RAPGEF1: variants seen among roughly 807,000 people sequenced by gnomAD.
RAPGEF1 encodes CRK SH3-binding GNRP.
In RAPGEF1, 33 loss-of-function variants were observed where a neutral mutation model predicts 143.3. The ratio of observed to expected loss-of-function variants is 0.23; its 90% CI spans 0.17 to 0.31. RAPGEF1 has a LOEUF of 0.31. Ranked by LOEUF, RAPGEF1 falls within the 10% of genes least tolerant of loss-of-function variation. The pLI is 1.00. For synonymous variants in RAPGEF1, 629 were observed against 676.5 expected (o/e 0.93, Z 1.09); for missense variants, 1,199 against 1,645.4 (o/e 0.73, Z 4.69).
At chr9:131,698,185 A>G (rs1202416162) in intron 1 of RAPGEF1, among the ~76,000 whole-genome samples, 1 of 152,212 alleles carries the variant, frequency 6.6e-6, no homozygotes, top group East Asian at 1.9e-4. Flanking sequence ...CACCTCCCTC[A>G]GTCCACCCTG....
At chr9:131,685,521 A>G (rs750373444) in intron 1 of RAPGEF1, among the ~76,000 whole-genome samples, 2 of 152,374 alleles carry the variant, frequency 1.3e-5, no homozygotes, top group African/African-American at 2.4e-5. Flanking sequence ...GATCTGTGCC[A>G]TAAGGACATG....
At position 131,621,017 on chromosome 9, in the gene RAPGEF1, G is replaced by A. The variant is rs567220217; in HGVS notation, c.1905+779C>T. Among the ~76,000 whole-genome samples the A allele has an allele frequency of 3.3e-5, 5 of 152,340 alleles. No homozygotes were observed. The highest frequency in any genetic ancestry group is 7.4e-5 in the Non-Finnish European group (5 of 68,022). The stretch of plus-strand genomic sequence containing the variant: ...TTCCTCTTCCTGGGGAGCATGGCTG[G>A]ACAAGAGGCTCAGATCTTCAAACCT... On this transcript the variant is annotated intron_variant, in intron 11 of 26. Coordinates refer to ENST00000683357, the MANE Select transcript of RAPGEF1 (RefSeq NM_001377935.1). The surrounding 1 kb of genome is among the most constrained non-coding windows in gnomAD (Gnocchi z 4.5).
At chr9:131,643,528 G>C in intron 3 of RAPGEF1, 111 bp from the exon 4 acceptor site, 1 of 1,089,996 alleles carries the variant, frequency 9.2e-7, no homozygotes, top group Non-Finnish European at 1.3e-6. Flanking sequence ...GGAATGGAAA[G>C]GCTCTTGCTA....
chr9:131,598,827 CTTT>C (rs10647202), intron 15 of RAPGEF1, among the ~76,000 whole-genome samples: 4 of 138,936 alleles, frequency 2.9e-5, no homozygotes, highest in Non-Finnish European at 3.1e-5. Context: ...TATTTATTTG[CTTT>C]TTTTTTTTTT....
At chr9:131,721,953 TC>T (rs1254426923) in intron 1 of RAPGEF1, among the ~76,000 whole-genome samples, 2 of 152,218 alleles carry the variant, frequency 1.3e-5, no homozygotes, top group African/African-American at 2.4e-5. Context: ...GTCCCAAAAA[TC>T]AATCTCCCTT....
chr9:131,584,076 G>A lies in RAPGEF1; in HGVS notation c.3414+235C>T, dbSNP rs113912028. ...GCCTGCTGGGTGGCAGCAGAACACC[G>A]GGATGTGACCACCCCAGAACCAACC... On this transcript the variant is annotated intron_variant, in intron 24 of 26. Coordinates refer to ENST00000683357, the MANE Select transcript of RAPGEF1 (RefSeq NM_001377935.1). This position sits in a 1 kb window ranked among gnomAD's most constrained non-coding sequence, Gnocchi z 6.8. Among the ~76,000 whole-genome samples, 1,844 of 152,252 alleles carry A rather than the reference G, an allele frequency of 0.012. 84 individuals carry two copies. Among genetic ancestry groups the A allele is most frequent in the Admixed American group, 0.077 (1,183 of 15,300 alleles).
chr9:131,584,259 G>T lies in RAPGEF1; in HGVS notation c.3414+52C>A, dbSNP rs969355194. The T allele has an allele frequency of 2.7e-6, 4 of 1,492,648 alleles. No individual in the cohort carries two copies. Among genetic ancestry groups the T allele is most frequent in the Non-Finnish European group, 3.7e-6 (4 of 1,090,030 alleles). The allele number at this position is 1,492,648 out of a possible 1,614,324, so 92.5% of individuals were successfully genotyped here. ...TGCCACAGCTAGTCGCCTGAGGGCT[G>T]GGCGGCCCCCCTTACCAGCCACCCT... On this transcript the variant is annotated intron_variant, in intron 24 of 26. Transcript: ENST00000683357. The surrounding 1 kb of genome is among the most constrained non-coding windows in gnomAD (Gnocchi z 6.8).
rs1249256151 is a variant in RAPGEF1, at chr9:131,643,294, T to G, written c.439A>C (p.Lys147Gln). 1 of 1,613,382 alleles carries G rather than the reference T, an allele frequency of 6.2e-7. No homozygotes were observed. The highest frequency in any genetic ancestry group is 1.3e-5 in the African/African-American group (1 of 75,018). Residue 147 changes from lysine (K) to glutamine (Q), a missense_variant, in exon 4 of 27, where the codon AAG becomes CAG. By Grantham distance (53) the Lys-to-Gln change is moderately conservative. Transcript: ENST00000683357. Reference protein sequence around the residue: ...VLEMLPGSASKVLEAILPLVQ... With the variant: ...VLEMLPGSASQVLEAILPLVQ... ...AGGGGTAAGATGGCCTCCAGCACCT[T>G]GCTGGCTGACCCTGGAAGCATCTCC...
At chr9:131,632,113 G>A (rs189519631) in intron 5 of RAPGEF1, among the ~76,000 whole-genome samples, 1 of 151,862 alleles carries the variant, frequency 6.6e-6, no homozygotes, top group East Asian at 1.9e-4. Context: ...GGTGAGAGAG[G>A]TGAGAGATTG....
At chr9:131,600,903 C>T (rs1249677734) in intron 15 of RAPGEF1, among the ~76,000 whole-genome samples, 2 of 152,080 alleles carry the variant, frequency 1.3e-5, no homozygotes, top group African/African-American at 4.8e-5. Flanking sequence ...CGCCTGTAAT[C>T]CCAGCACTTT....
chr9:131,582,629 A>G lies in RAPGEF1; in HGVS notation c.3488T>C (p.Val1163Ala). Reference sequence around the variant, plus strand: ...CAGGTACGGGATGCACGGCGGTTCCACCTCCGAGAGGGCGGCCCGGTAGGC... The same window carrying G: ...CAGGTACGGGATGCACGGCGGTTCCGCCTCCGAGAGGGCGGCCCGGTAGGC... ...FRAYRAALSE[V>A]EPPCIPYLGL... The change falls in exon 25 of 27, where the codon GTG becomes GCG. Residue 1163 changes from valine to alanine, a missense_variant. Physicochemically the swap from Val to Ala is moderately conservative, Grantham distance 64. This residue lies in a region of RAPGEF1 where 209 missense variants were observed against 403.0 expected (regional missense o/e 0.52). Coordinates refer to ENST00000683357, the MANE Select transcript of RAPGEF1 (RefSeq NM_001377935.1). The G allele has an allele frequency of 6.5e-7, 1 of 1,532,544 alleles. No homozygotes were observed. Among genetic ancestry groups the G allele is most frequent in the East Asian group, 2.6e-5 (1 of 38,092 alleles). The allele number at this position is 1,532,544 out of a possible 1,614,324, so 94.9% of individuals were successfully genotyped here. A position where few individuals can be genotyped will look rare whatever the true frequency, so the allele number is the denominator to read the frequency against.
intron 19 of RAPGEF1, among the ~76,000 whole-genome samples, chr9:131,589,476 G>A (rs76497036): frequency 1.1e-3 from 160 of 152,366 alleles, no homozygotes; most frequent in Admixed American, 1.7e-3. Flanking sequence ...TAGCGGAACG[G>A]ATATGGCCAA....
chr9:131,582,758 G>A, intron 24 of RAPGEF1, 56 bp from the exon 25 acceptor site: 1 of 1,446,292 alleles, frequency 6.9e-7, no homozygotes. Flanking sequence ...CTGGGGCAAT[G>A]CTGGGGCAGA....
At chr9:131,586,395 GTC>G (rs1952826456) in intron 22 of RAPGEF1, among the ~76,000 whole-genome samples, 3 of 33,532 alleles carry the variant, frequency 8.9e-5, no homozygotes, top group African/African-American at 1.3e-4. Flanking sequence ...GCGAGACTCC[GTC>G]TCAAACACAC....
chr9:131,603,498 C>T (rs1956613480), intron 14 of RAPGEF1, among the ~76,000 whole-genome samples: 1 of 152,142 alleles, frequency 6.6e-6, no homozygotes, highest in Non-Finnish European at 1.5e-5. Context: ...GACTCACCCG[C>T]TTCCTCAGAA....
chr9:131,697,610 T>C (rs1378737892), intron 1 of RAPGEF1, among the ~76,000 whole-genome samples: 1 of 152,208 alleles, frequency 6.6e-6, no homozygotes, highest in Non-Finnish European at 1.5e-5. Flanking sequence ...ACGGGTTTCC[T>C]AGGCGGACAT....
chr9:131,582,805 C>T (rs1952075098), intron 24 of RAPGEF1, 103 bp from the exon 25 acceptor site: 1 of 999,930 alleles, frequency 1.0e-6, no homozygotes, highest in Non-Finnish European at 1.4e-6. Flanking sequence ...GGTCAACCAC[C>T]CTCTGCCCAA....
At chr9:131,591,306 G>A (rs1047619093) in intron 18 of RAPGEF1, among the ~76,000 whole-genome samples, 1 of 152,212 alleles carries the variant, frequency 6.6e-6, no homozygotes, top group African/African-American at 2.4e-5. Context: ...GGGGGCGCGG[G>A]TGGACTCAGG....
Position 131,588,938 on chromosome 9 carries a change from G to A in RAPGEF1, c.2916C>T (p.Val972=). 2 of 1,613,946 alleles carry A rather than the reference G, an allele frequency of 1.2e-6. No homozygotes were observed. The highest frequency in any genetic ancestry group is 1.7e-6 in the Non-Finnish European group (2 of 1,179,854). Residue 972 remains valine (V), a synonymous_variant, in exon 20 of 27, where the codon GTC becomes GTT. Coordinates refer to ENST00000683357, the MANE Select transcript of RAPGEF1 (RefSeq NM_001377935.1). The part of the protein sequence containing the change: ...EEILKLLMEL[V]FRLVCNGELS... ...GCTCCCCATTGCACACCAGGCGGAAGACCAGTTCCATCAGCAGCTTCAGGA... is the reference window on the plus strand; with the variant it reads ...GCTCCCCATTGCACACCAGGCGGAAAACCAGTTCCATCAGCAGCTTCAGGA...
Sources: allele counts gnomAD v4.1 joint callset (sites outside exome capture counted in the v4.1 genomes callset), GRCh38; gene constraint gnomAD v4.1.1; regional missense constraint gnomAD v4.1.1; non-coding constraint Gnocchi (gnomAD v3.1); transcripts MANE v1.5; gene names NCBI Gene and HGNC (gene_info 2026-07-23, HGNC 2026-07-21).